Variants in SEMA4F observed in about 807,000 individuals in gnomAD.
The protein encoded by SEMA4F is ssemaphorin 4F.
In SEMA4F, 51 loss-of-function variants were observed where a neutral mutation model predicts 78.4. The ratio of observed to expected loss-of-function variants is 0.65; its 90% CI spans 0.52 to 0.82. SEMA4F has a LOEUF of 0.82. Ranked by LOEUF, SEMA4F falls within the 40% of genes least tolerant of loss-of-function variation. The probability of loss-of-function intolerance (pLI) is 0.00; values close to 1 mark genes in which losing one functional copy is unlikely to be tolerated. For synonymous variants in SEMA4F, 418 were observed against 408.7 expected, an observed-to-expected ratio of 1.02 and a Z score of -0.27; for missense variants, 938 against 1,014.4, an observed-to-expected ratio of 0.92 and a Z score of 1.02.
chr2:74,693,104 G>A, the SEMA4F span, among the ~76,000 whole-genome samples: 5 of 152,158 alleles, frequency 3.3e-5, no homozygotes, highest in Non-Finnish European at 7.3e-5. Context: ...GATATAAATA[G>A]ATATTTTCAA....
chr2:74,655,549 A>G (rs1013310993), intron 1 of SEMA4F, among the ~76,000 whole-genome samples: 1 of 152,234 alleles, frequency 6.6e-6, no homozygotes, highest in African/African-American at 2.4e-5. Context: ...GACTAGTGCC[A>G]TATAGGGATG....
downstream of SEMA4F, among the ~76,000 whole-genome samples, chr2:74,687,880 T>C (rs1464251077): frequency 2.0e-5 from 3 of 152,178 alleles, no homozygotes; most frequent in Non-Finnish European, 2.9e-5. Context: ...CTCTCTGCTC[T>C]TTCTTTCAGA....
chr2:74,666,570 ATAT>A (rs1231605052), intron 5 of SEMA4F, among the ~76,000 whole-genome samples: 3 of 152,202 alleles, frequency 2.0e-5, no homozygotes, highest in East Asian at 3.8e-4. Flanking sequence ...GTCAATACTA[ATAT>A]TATACATTTT....
At chr2:74,708,623 A>G in the SEMA4F span, among the ~76,000 whole-genome samples, 4 of 152,200 alleles carry the variant, frequency 2.6e-5, no homozygotes, top group Non-Finnish European at 5.9e-5. Context: ...AGAAAATTTA[A>G]ATAAGATATA....
In SEMA4F at chr2:74,673,456, G is replaced by A. The variant is rs1041195978; in HGVS notation, c.551-1G>A. On this transcript the variant is annotated splice_acceptor_variant, in intron 5 of 13. Coordinates refer to ENST00000357877, the MANE Select transcript of SEMA4F (RefSeq NM_004263.5). LOFTEE classifies it high-confidence loss of function. The stretch of plus-strand genomic sequence containing the variant: ...CCCATCTCCTCCCTGTCGCCCTGCA[G>A]GGGGGGTCCTCTATGCTGCCACTGT... The A allele has an allele frequency of 1.8e-5, 29 of 1,613,310 alleles. No homozygotes were observed. Among genetic ancestry groups the A allele is most frequent in the Non-Finnish European group, 2.3e-5 (27 of 1,179,654 alleles).
At chr2:74,698,454 T>C in the SEMA4F span, among the ~76,000 whole-genome samples, 1 of 152,240 alleles carries the variant, frequency 6.6e-6, no homozygotes, top group African/African-American at 2.4e-5. Context: ...GCTATCCTTT[T>C]CCAGACAGCA....
intron 1 of SEMA4F, among the ~76,000 whole-genome samples, 185 bp downstream of exon 1, chr2:74,654,706 C>T (rs1259301190): frequency 6.6e-6 from 1 of 152,014 alleles, no homozygotes; most frequent in Non-Finnish European, 1.5e-5. Context: ...CTGCATCCCT[C>T]CCGCGCCCCT....
At chr2:74,657,477 A>G in intron 2 of SEMA4F, 88 bp from the exon 3 acceptor site, 2 of 1,266,492 alleles carry the variant, frequency 1.6e-6, no homozygotes, top group African/African-American at 1.5e-5. Context: ...AAATTGATGG[A>G]GGTTATAGAA....
At chr2:74,678,285 C>T (rs1224010894) in intron 12 of SEMA4F, among the ~76,000 whole-genome samples, 5 of 151,984 alleles carry the variant, frequency 3.3e-5, no homozygotes, top group African/African-American at 4.8e-5. Flanking sequence ...TGTGTTTATG[C>T]CAGTGTTCTG....
rs766181364 is a variant in SEMA4F at position 74,674,886 on chromosome 2, A to G, written c.1002-2A>G. ...TATCCAGCTCCAACCTGTGAATTCCAGGGAGGGGGCTACTATCTCTGCTGT... is the reference window on the plus strand; with the variant it reads ...TATCCAGCTCCAACCTGTGAATTCCGGGGAGGGGGCTACTATCTCTGCTGT... On this transcript the variant is annotated splice_acceptor_variant, in intron 8 of 13. Coordinates refer to ENST00000357877, the MANE Select transcript of SEMA4F (RefSeq NM_004263.5). LOFTEE classifies it high-confidence loss of function. 6.2e-7 allele frequency: 1 copy of G among 1,613,492 alleles called. No individual in the cohort carries two copies. The highest frequency in any genetic ancestry group is 8.5e-7 in the Non-Finnish European group (1 of 1,179,794).
In SEMA4F at chr2:74,657,889, G is replaced by A. The variant is rs200978674; in HGVS notation, c.394G>A (p.Ala132Thr). The stretch of plus-strand genomic sequence containing the variant: ...CAATTTTGTCCAGATTCTCGCCATT[G>A]CCAATGCCTCTCACCTCCTCACTTG... ...CHNFVQILAI[A>T]NASHLLTCGT... Residue 132 changes from alanine to threonine, a missense_variant, in exon 4 of 14, where the codon GCC becomes ACC. By Grantham distance (58) the Ala-to-Thr change is moderately conservative. Transcript: ENST00000357877. The A allele has an allele frequency of 1.4e-4, 232 of 1,614,078 alleles. 1 individual carries two copies. Among genetic ancestry groups the A allele is most frequent in the Non-Finnish European group, 1.8e-4 (211 of 1,180,036 alleles).
chr2:74,655,962 A>C (rs1684112530), intron 1 of SEMA4F, among the ~76,000 whole-genome samples: 1 of 152,074 alleles, frequency 6.6e-6, no homozygotes. Flanking sequence ...ATGCCAACTT[A>C]TTCCAGTCTT....
the SEMA4F span, among the ~76,000 whole-genome samples, chr2:74,704,138 G>A: frequency 1.3e-5 from 2 of 152,060 alleles, no homozygotes; most frequent in East Asian, 3.9e-4. Context: ...TCCCAGCTTG[G>A]TGAGGTAGGT....
downstream of SEMA4F, among the ~76,000 whole-genome samples, chr2:74,685,088 A>G (rs551621249): frequency 6.6e-6 from 1 of 152,290 alleles, no homozygotes; most frequent in Admixed American, 6.5e-5. Context: ...TTGCACTCAT[A>G]ATCTCACTCA....
chr2:74,685,457 T>C (rs952783702), downstream of SEMA4F, among the ~76,000 whole-genome samples: 4 of 152,056 alleles, frequency 2.6e-5, no homozygotes, highest in African/African-American at 4.8e-5. Flanking sequence ...CTAGGAAAGA[T>C]GGTTGCCATC....
chr2:74,705,301 G>C, the SEMA4F span, among the ~76,000 whole-genome samples: 1 of 152,074 alleles, frequency 6.6e-6, no homozygotes, highest in African/African-American at 2.4e-5. Context: ...CCACTCTTAG[G>C]AATTTAATTG....
chr2:74,654,330 G>GC lies in SEMA4F; in HGVS notation c.-46dup, dbSNP rs1337488301. On this transcript the variant is annotated 5_prime_UTR_variant, in exon 1 of 14. Transcript: ENST00000357877. Reference sequence around the variant, plus strand: ...GAGGCCAGTAGCCCCGGGGCCCTGAGCAGAGGCCGTAGCTTGCGCCGCACC... The same window carrying GC: ...GAGGCCAGTAGCCCCGGGGCCCTGAGCCAGAGGCCGTAGCTTGCGCCGCACC... The GC allele has an allele frequency of 3.5e-6, 5 of 1,425,488 alleles. No individual in the cohort carries two copies. The Admixed American group carries it at 8.4e-5, about 24-fold the overall frequency. The allele number at this position is 1,425,488 out of a possible 1,614,324, so 88.3% of individuals were successfully genotyped here. A position where few individuals can be genotyped will look rare whatever the true frequency, so the allele number is the denominator to read the frequency against.
rs1014026688 is a variant in SEMA4F, at chr2:74,681,362, T to A, written c.*1153T>A. On this transcript the variant is annotated 3_prime_UTR_variant, in exon 14 of 14. Coordinates refer to ENST00000357877, the MANE Select transcript of SEMA4F (RefSeq NM_004263.5). ...GGAGGTTTTATGGCTTTTGTCAGATTTTCAAGGCCTTAACAAAGTTAAAGG... is the reference window on the plus strand; with the variant it reads ...GGAGGTTTTATGGCTTTTGTCAGATATTCAAGGCCTTAACAAAGTTAAAGG... 1.3e-5 allele frequency: 2 copies of A among 152,638 alleles called. No individual in the cohort carries two copies. Among genetic ancestry groups the A allele is most frequent in the East Asian group, 3.8e-4 (2 of 5,198 alleles). The allele number at this position is 152,638 out of a possible 1,614,324, so 9.5% of individuals were successfully genotyped here. A position where few individuals can be genotyped will look rare whatever the true frequency, so the allele number is the denominator to read the frequency against.
chr2:74,655,337 A>C (rs909948385), intron 1 of SEMA4F: 7 of 393,352 alleles, frequency 1.8e-5, no homozygotes, highest in African/African-American at 1.5e-4. Flanking sequence ...AGGAGACGTC[A>C]CAAGGTTAAA....
Sources: allele counts gnomAD v4.1 joint callset (sites outside exome capture counted in the v4.1 genomes callset), GRCh38; gene constraint gnomAD v4.1.1; transcripts MANE v1.5; gene names NCBI Gene and HGNC (gene_info 2026-07-23, HGNC 2026-07-21).